Variants in LRCH4 observed in about 807,000 individuals in gnomAD.
The protein encoded by LRCH4 is leucine-rich repeat and calponin homology domain-containing protein 4.
LRCH4 carries 56 observed loss-of-function variants against 81.2 expected under a neutral mutation model. That is an observed-to-expected ratio of 0.69 (90% CI 0.56 to 0.86). The LOEUF is 0.86. Ranked by LOEUF, LRCH4 falls within the 40% of genes least tolerant of loss-of-function variation. The probability of loss-of-function intolerance (pLI) is 0.00; values close to 1 mark genes in which losing one functional copy is unlikely to be tolerated. For synonymous variants in LRCH4, 442 were observed against 409.7 expected (o/e 1.08, Z -0.95); for missense variants, 895 against 922.8 (o/e 0.97, Z 0.39).
At position 100,582,527 on chromosome 7, in the gene LRCH4, C is replaced by G. The variant is rs893581219; in HGVS notation, c.221-68G>C. On this transcript the variant is annotated intron_variant, in intron 1 of 17. Coordinates refer to ENST00000310300, the MANE Select transcript of LRCH4 (RefSeq NM_002319.5). The surrounding 1 kb of genome is among the most constrained non-coding windows in gnomAD (Gnocchi z 5.0). The stretch of plus-strand genomic sequence containing the variant: ...GCCCGGACAGGACCTTCAGTCCCCC[C>G]AGAGCCGGCTGCCCACTCCCTCACC... 15 of 1,515,234 alleles carry G rather than the reference C, an allele frequency of 9.9e-6. No individual in the cohort carries two copies. The highest frequency in any genetic ancestry group is 2.7e-5 in the African/African-American group (2 of 72,932). The allele number at this position is 1,515,234 out of a possible 1,614,324, so 93.9% of individuals were successfully genotyped here.
chr7:100,581,070 A>G lies in LRCH4; in HGVS notation c.598+707T>C, dbSNP rs1801542267. ...GCATCTCCGGGAGGAGTGGCGGAGCATCCCGACTCAGGTGTTTGAGAGCCC... is the reference window on the plus strand; with the variant it reads ...GCATCTCCGGGAGGAGTGGCGGAGCGTCCCGACTCAGGTGTTTGAGAGCCC... On this transcript the variant is annotated intron_variant, in intron 4 of 17. Coordinates refer to ENST00000310300, the MANE Select transcript of LRCH4 (RefSeq NM_002319.5). 2.0e-5 allele frequency among the ~76,000 whole-genome samples: 3 copies of G among 152,224 alleles called. No individual in the cohort carries two copies. The South Asian group carries it at 6.2e-4, about 31-fold the overall frequency.
rs1801637749 is a variant in LRCH4 at position 100,583,937 on chromosome 7, A to T, written c.221-1478T>A. 1 of 326,628 alleles carries T rather than the reference A, an allele frequency of 3.1e-6. No individual in the cohort carries two copies. The highest frequency in any genetic ancestry group is 2.3e-5 in the South Asian group (1 of 43,300). 20.2% of individuals were successfully genotyped at this position (326,628 alleles called of 1,614,324 possible). ...AGGGAGCTCAGGCAGGAGGCAGGGC[A>T]CTGGGGGCACAGGATGTGGTCTGGG... On this transcript the variant is annotated intron_variant, in intron 1 of 17. Transcript: ENST00000310300. The surrounding 1 kb of genome is among the most constrained non-coding windows in gnomAD (Gnocchi z 4.3).
In LRCH4 at chr7:100,585,891, G is replaced by A. The variant is rs138356182; in HGVS notation, c.210C>T (p.Ile70=). 55 of 1,606,750 alleles carry A rather than the reference G, an allele frequency of 3.4e-5. No homozygotes were observed. The highest frequency in any genetic ancestry group is 4.7e-5 in the Non-Finnish European group (55 of 1,175,598). The change falls in exon 1 of 18, where the codon ATC becomes ATT. Residue 70 remains isoleucine (I), a synonymous_variant. Coordinates refer to ENST00000310300, the MANE Select transcript of LRCH4 (RefSeq NM_002319.5). ...GAARSYDLSD[I]TQADLSRNRF... ...CCCGGCTGCACTCACCAGCCTGGGT[G>A]ATGTCTGACAGGTCGTAGCTACGGG...
chr7:100,577,939 G>A lies in LRCH4; in HGVS notation c.949-27C>T. 6.3e-7 allele frequency: 1 copy of A among 1,582,052 alleles called. No individual in the cohort carries two copies. The highest frequency in any genetic ancestry group is 8.7e-7 in the Non-Finnish European group (1 of 1,151,618). ...TGTAAAGGCAGAGGCAGAGATGGGA[G>A]ATGGCCTCTCTGTACATGGGGGCTC... is the stretch of plus-strand genomic sequence containing the variant. On this transcript the variant is annotated intron_variant, in intron 7 of 17. Coordinates refer to ENST00000310300, the MANE Select transcript of LRCH4 (RefSeq NM_002319.5). The surrounding 1 kb of genome is among the most constrained non-coding windows in gnomAD (Gnocchi z 6.7).
chr7:100,582,736 G>T lies in LRCH4; in HGVS notation c.221-277C>A, dbSNP rs1801599979. 6.6e-6 allele frequency among the ~76,000 whole-genome samples: 1 copy of T among 152,248 alleles called. No homozygotes were observed. Among genetic ancestry groups the T allele is most frequent in the South Asian group, 2.1e-4 (1 of 4,836 alleles). On this transcript the variant is annotated intron_variant, in intron 1 of 17. Transcript: ENST00000310300. The surrounding 1 kb of genome is among the most constrained non-coding windows in gnomAD (Gnocchi z 5.0). The stretch of plus-strand genomic sequence containing the variant: ...GGAATGTCAATGGAGGGCTATCCTG[G>T]AGAGCAGCTGGAATCTCTAACTCCT...
At chr7:100,581,106 G>A (rs78967213) in intron 4 of LRCH4, among the ~76,000 whole-genome samples, 4,264 of 152,320 alleles carry the variant, frequency 0.028, 82 homozygotes, top group Non-Finnish European at 0.042. Context: ...CTGCTGGGGT[G>A]AGCAGGGCTG....
Position 100,577,420 on chromosome 7 carries a change from G to A in LRCH4, c.1179-31C>T, listed in dbSNP as rs1481813153. ...GGACCAAGACAGGGCAAGAGGGGCA[G>A]ACCCCGGGGTCAGGGAAGGAGGCGG... On this transcript the variant is annotated intron_variant, in intron 10 of 17. Coordinates refer to ENST00000310300, the MANE Select transcript of LRCH4 (RefSeq NM_002319.5). This position sits in a 1 kb window ranked among gnomAD's most constrained non-coding sequence, Gnocchi z 6.7. 1 of 1,600,496 alleles carries A rather than the reference G, an allele frequency of 6.2e-7. No homozygotes were observed. Among genetic ancestry groups the A allele is most frequent in the Non-Finnish European group, 8.5e-7 (1 of 1,179,564 alleles).
At chr7:100,576,068 G>A in intron 15 of LRCH4, 60 bp from the exon 16 acceptor site, 8 of 1,550,864 alleles carry the variant, frequency 5.2e-6, no homozygotes, top group East Asian at 2.3e-5. Flanking sequence ...GGGAGGCAGG[G>A]AGAGTGGGGG....
rs751604651 is a variant in LRCH4 at position 100,581,819 on chromosome 7, C to T, written c.556G>A (p.Asp186Asn). The T allele has an allele frequency of 6.2e-7, 1 of 1,614,220 alleles. No homozygotes were observed. Among genetic ancestry groups the T allele is most frequent in the South Asian group, 1.1e-5 (1 of 91,086 alleles). The stretch of plus-strand genomic sequence containing the variant: ...AGCTGGTTCCTCCGGACATTGAGGT[C>T]CCGCAGGGAAGAGAGGCCACACAGT... ...SELCGLSSLR[D>N]LNVRRNQLST... is the part of the protein sequence containing the mutation. Residue 186 changes from aspartate to asparagine, a missense_variant, in exon 4 of 18, where the codon GAC becomes AAC. Coordinates refer to ENST00000310300, the MANE Select transcript of LRCH4 (RefSeq NM_002319.5).
In LRCH4 at chr7:100,577,677, C is replaced by T. The variant is rs759557651; in HGVS notation, c.1103G>A (p.Arg368Gln). ...DSHVPGEDEERGTVEEQRPPE... is the reference protein window; with the variant it reads ...DSHVPGEDEEQGTVEEQRPPE... ...CTGGGCTCTCACCTCCACAGTGCCT[C>T]GCTCTTCATCCTCCCCGGGGACATG... Residue 368 changes from arginine (R) to glutamine (Q), a missense_variant, in exon 9 of 18, where the codon CGA becomes CAA. By Grantham distance (43) the Arg-to-Gln change is conservative. Around this residue, in one of 3 missense-constraint regions of LRCH4, gnomAD observed 529 missense variants for 504.9 expected, o/e 1.05. Coordinates refer to ENST00000310300, the MANE Select transcript of LRCH4 (RefSeq NM_002319.5). This position sits in a 1 kb window ranked among gnomAD's most constrained non-coding sequence, Gnocchi z 6.7. The T allele has an allele frequency of 2.0e-5, 32 of 1,613,768 alleles. No homozygotes were observed. The East Asian group carries it at 4.5e-4, about 22-fold the overall frequency.
chr7:100,577,678 G>C lies in LRCH4; in HGVS notation c.1102C>G (p.Arg368Gly), dbSNP rs767595647. 2 of 1,613,774 alleles carry C rather than the reference G, an allele frequency of 1.2e-6. No individual in the cohort carries two copies. The highest frequency in any genetic ancestry group is 1.6e-4 in the Middle Eastern group (1 of 6,062). ...DSHVPGEDEE[R>G]GTVEEQRPPE... ...TGGGCTCTCACCTCCACAGTGCCTC[G>C]CTCTTCATCCTCCCCGGGGACATGG... The change falls in exon 9 of 18, where the codon CGA becomes GGA. Residue 368 changes from arginine to glycine, a missense_variant. This residue lies in a region of LRCH4 where 529 missense variants were observed against 504.9 expected (regional missense o/e 1.05). Transcript: ENST00000310300. This position sits in a 1 kb window ranked among gnomAD's most constrained non-coding sequence, Gnocchi z 6.7.
At position 100,582,271 on chromosome 7, in the gene LRCH4, T is replaced by C; in HGVS notation, c.365+44A>G. The stretch of plus-strand genomic sequence containing the variant: ...TGGGTCACTCAGTAGTACTTGAGAC[T>C]GAGAAGCACACGCTCCCACGTGGCC... On this transcript the variant is annotated intron_variant, in intron 2 of 17. Coordinates refer to ENST00000310300, the MANE Select transcript of LRCH4 (RefSeq NM_002319.5). This position sits in a 1 kb window ranked among gnomAD's most constrained non-coding sequence, Gnocchi z 5.0. 6.2e-7 allele frequency: 1 copy of C among 1,613,876 alleles called. No individual in the cohort carries two copies. Among genetic ancestry groups the C allele is most frequent in the Non-Finnish European group, 8.5e-7 (1 of 1,179,974 alleles).
Sources: allele counts gnomAD v4.1 joint callset (sites outside exome capture counted in the v4.1 genomes callset), GRCh38; gene constraint gnomAD v4.1.1; regional missense constraint gnomAD v4.1.1; non-coding constraint Gnocchi (gnomAD v3.1); transcripts MANE v1.5; gene names NCBI Gene and HGNC (gene_info 2026-07-23, HGNC 2026-07-21).